Variants in HS6ST3 observed in about 807,000 individuals in gnomAD.
HS6ST3 encodes heparan-sulfate 6-O-sulfotransferase 3.
A neutral mutation model predicts 36.7 loss-of-function variants in HS6ST3; 12 were observed. That is an observed-to-expected ratio of 0.33 (90% CI 0.21 to 0.53). The LOEUF is 0.53. HS6ST3 is among the 20% of genes least tolerant of loss of function. The pLI is 0.95. For missense variants in HS6ST3, 584 were observed against 640.9 expected, an observed-to-expected ratio of 0.91 and a Z score of 0.96; for synonymous variants, 240 against 257.5, an observed-to-expected ratio of 0.93 and a Z score of 0.65.
intron 1 of HS6ST3, among the ~76,000 whole-genome samples, chr13:96,317,366 A>G (rs1170077419): frequency 1.1e-4 from 2 of 18,656 alleles, no homozygotes; most frequent in Admixed American, 5.7e-4. Flanking sequence ...ATATATATAT[A>G]TAAAATTATA....
intron 1 of HS6ST3, among the ~76,000 whole-genome samples, chr13:96,762,966 T>C (rs1412898931): frequency 4.6e-5 from 7 of 152,148 alleles, no homozygotes; most frequent in Admixed American, 4.6e-4. Context: ...TACAATAACA[T>C]GAAAAAGAGA....
chr13:96,737,610 C>T (rs1225772089), intron 1 of HS6ST3, among the ~76,000 whole-genome samples: 1 of 110,020 alleles, frequency 9.1e-6, no homozygotes, highest in East Asian at 2.8e-4. Flanking sequence ...CCGGCCTGGG[C>T]GACAGAGCGA....
At position 96,609,678 on chromosome 13, in the gene HS6ST3, T is replaced by C. The variant is rs540789892; in HGVS notation, c.708-222812T>C. On this transcript the variant is annotated intron_variant, in intron 1 of 1. Transcript: ENST00000376705. The stretch of plus-strand genomic sequence containing the variant: ...TCTGTAGCCCTCTCAGCTAGAGTTA[T>C]GTATCTGCAAGATCATAGGAACATT... Among the ~76,000 whole-genome samples, 3 of 152,346 alleles carry C rather than the reference T, an allele frequency of 2.0e-5. No individual in the cohort carries two copies. In the East Asian group the frequency reaches 5.8e-4, roughly 29 times the overall value.
intron 1 of HS6ST3, among the ~76,000 whole-genome samples, chr13:96,198,950 C>T (rs2054328120): frequency 6.6e-6 from 1 of 152,134 alleles, no homozygotes; most frequent in African/African-American, 2.4e-5. Context: ...AAGACATACC[C>T]AAGACTTAGA....
intron 1 of HS6ST3, among the ~76,000 whole-genome samples, chr13:96,778,023 A>G (rs1157261311): frequency 6.6e-6 from 1 of 152,186 alleles, no homozygotes. Context: ...AATGCCACAC[A>G]TCTACAACCA....
chr13:96,391,433 G>A (rs986830596), intron 1 of HS6ST3, among the ~76,000 whole-genome samples: 1 of 152,192 alleles, frequency 6.6e-6, no homozygotes, highest in Non-Finnish European at 1.5e-5. Flanking sequence ...AATTTGAGTT[G>A]TGGGATATGC....
At chr13:96,560,438 G>C (rs942318534) in intron 1 of HS6ST3, among the ~76,000 whole-genome samples, 2 of 152,064 alleles carry the variant, frequency 1.3e-5, no homozygotes, top group African/African-American at 4.8e-5. Flanking sequence ...GGAAAAACTG[G>C]AAGCATTCCC....
At chr13:96,144,611 A>G (rs1253221600) in intron 1 of HS6ST3, among the ~76,000 whole-genome samples, 3 of 151,842 alleles carry the variant, frequency 2.0e-5, no homozygotes, top group African/African-American at 7.2e-5. Flanking sequence ...GAAGTTGCTT[A>G]TAAATAAAAT....
intron 1 of HS6ST3, among the ~76,000 whole-genome samples, chr13:96,172,929 T>C (rs1401058119): frequency 1.3e-5 from 2 of 152,242 alleles, no homozygotes; most frequent in Admixed American, 1.3e-4. Context: ...ATTTAAATCC[T>C]ATCAGCAGTA....
intron 1 of HS6ST3, among the ~76,000 whole-genome samples, chr13:96,343,182 G>A (rs1199539450): frequency 6.6e-6 from 1 of 152,172 alleles, no homozygotes; most frequent in Non-Finnish European, 1.5e-5. Flanking sequence ...TCCTGTATGA[G>A]TTTACTGCTG....
At chr13:96,607,181 G>T (rs1383818112) in intron 1 of HS6ST3, among the ~76,000 whole-genome samples, 3 of 152,008 alleles carry the variant, frequency 2.0e-5, no homozygotes, top group Non-Finnish European at 2.9e-5. Context: ...TAAAGAAAAA[G>T]AATAAATCAT....
At chr13:96,109,773 T>A (rs2053859162) in intron 1 of HS6ST3, among the ~76,000 whole-genome samples, 1 of 152,146 alleles carries the variant, frequency 6.6e-6, no homozygotes, top group African/African-American at 2.4e-5. Context: ...CTCAGTCAGT[T>A]GTTTATTAAG....
chr13:96,673,923 CT>C (rs1278632473), intron 1 of HS6ST3, among the ~76,000 whole-genome samples: 1 of 151,862 alleles, frequency 6.6e-6, no homozygotes, highest in East Asian at 1.9e-4. Flanking sequence ...TTTTTCCCCT[CT>C]TTCTTTCATT....
In HS6ST3 at chr13:96,172,433, GT is replaced by G. The variant is rs34003928; in HGVS notation, c.707+80867del. 8.3e-3 allele frequency among the ~76,000 whole-genome samples: 1,270 copies of G among 152,286 alleles called. 35 individuals carry two copies. The highest frequency in any genetic ancestry group is 0.047 in the Admixed American group (719 of 15,286). ...TCACCATAGTGGCTTAAAGTGTACA[GT>G]TTGAGAATCACTAATGAATCCACTT... On this transcript the variant is annotated intron_variant, in intron 1 of 1. Transcript: ENST00000376705.
intron 1 of HS6ST3, among the ~76,000 whole-genome samples, chr13:96,777,408 T>G (rs561195856): frequency 9.0e-4 from 137 of 152,352 alleles, no homozygotes; most frequent in African/African-American, 3.1e-3. Flanking sequence ...GCAGATGACT[T>G]GATTGTATAT....
chr13:96,602,063 A>G (rs1206528008), intron 1 of HS6ST3, among the ~76,000 whole-genome samples: 1 of 152,158 alleles, frequency 6.6e-6, no homozygotes, highest in African/African-American at 2.4e-5. Flanking sequence ...AACTGCGTTA[A>G]ACAGGTCAGC....
intron 1 of HS6ST3, among the ~76,000 whole-genome samples, chr13:96,510,228 A>G (rs2056044025): frequency 6.6e-6 from 1 of 152,040 alleles, no homozygotes; most frequent in Admixed American, 6.6e-5. Context: ...ATTTGTGTAC[A>G]CTGATTTTAT....
intron 1 of HS6ST3, among the ~76,000 whole-genome samples, chr13:96,152,437 T>A (rs6492832): frequency 0.82 from 124,020 of 150,734 alleles, 51,344 homozygotes; most frequent in East Asian, 0.91. Flanking sequence ...TCCCGGGTTC[T>A]CGCCATTCTC....
In HS6ST3 at chr13:96,464,265, T is replaced by C. The variant is rs182837054; in HGVS notation, c.708-368225T>C. On this transcript the variant is annotated intron_variant, in intron 1 of 1. Coordinates refer to ENST00000376705, the MANE Select transcript of HS6ST3 (RefSeq NM_153456.4). ...CCCCCCTACCCAGTTCCTGTTTTCTTACACATTGTTACATTTCTTCTCTGC... is the reference window on the plus strand; with the variant it reads ...CCCCCCTACCCAGTTCCTGTTTTCTCACACATTGTTACATTTCTTCTCTGC... Among the ~76,000 whole-genome samples, 124 of 152,000 alleles carry C rather than the reference T, an allele frequency of 8.2e-4. 2 individuals carry two copies. Among genetic ancestry groups the C allele is most frequent in the African/African-American group, 2.7e-3 (114 of 41,478 alleles).
Sources: allele counts gnomAD v4.1 joint callset (sites outside exome capture counted in the v4.1 genomes callset), GRCh38; gene constraint gnomAD v4.1.1; transcripts MANE v1.5; gene names NCBI Gene and HGNC (gene_info 2026-07-23, HGNC 2026-07-21).